NHS: variants seen among roughly 807,000 people sequenced by gnomAD.
The protein encoded by NHS is actin remodeling regulator NHS.
A neutral mutation model predicts 72.5 loss-of-function variants in NHS; 5 were observed. The ratio of observed to expected loss-of-function variants is 0.07; its 90% CI spans 0.04 to 0.14. The LOEUF (loss-of-function observed/expected upper bound fraction) is 0.14, where lower values mean the gene tolerates loss of function less well. Ranked by LOEUF, NHS falls within the 10% of genes least tolerant of loss-of-function variation. NHS has a pLI of 1.00. For missense variants in NHS, 1,072 were observed against 1,355.7 expected (o/e 0.79, Z 3.29); for synonymous variants, 464 against 547.7 (o/e 0.85, Z 2.13).
In NHS at chrX:17,419,913, G is replaced by A. The variant is rs928802739; in HGVS notation, c.565+43591G>A. Among the ~76,000 whole-genome samples, 3 of 111,740 alleles carry A rather than the reference G, an allele frequency of 2.7e-5. No individual in the cohort carries two copies. The South Asian group carries it at 1.1e-3, about 42-fold the overall frequency. On this transcript the variant is annotated intron_variant, in intron 1 of 8. Coordinates refer to ENST00000676302, the MANE Select transcript of NHS (RefSeq NM_001291867.2). Reference sequence around the variant, plus strand: ...TTCCTAATATTTCTAGATATTGGGAGCAAATTCGTGTTTACCTTATGTGTA... The same window carrying A: ...TTCCTAATATTTCTAGATATTGGGAACAAATTCGTGTTTACCTTATGTGTA...
chrX:17,456,647 C>A (rs2064827136), intron 1 of NHS, among the ~76,000 whole-genome samples: 1 of 112,179 alleles, frequency 8.9e-6, no homozygotes, highest in African/African-American at 3.2e-5. Flanking sequence ...AGAGAGAATG[C>A]ACTCCCTTTG....
intron 1 of NHS, among the ~76,000 whole-genome samples, chrX:17,515,322 G>A (rs975571203): frequency 6.3e-5 from 7 of 111,691 alleles, no homozygotes; most frequent in Admixed American, 9.5e-5. Context: ...TCAACATTGG[G>A]AGTATTCCAT....
chrX:17,427,302 A>G (rs1382952897), intron 1 of NHS, among the ~76,000 whole-genome samples: 5 of 111,764 alleles, frequency 4.5e-5, no homozygotes, highest in African/African-American at 6.5e-5. Flanking sequence ...GTTGGGACTG[A>G]CCACAGACTT....
intron 1 of NHS, among the ~76,000 whole-genome samples, chrX:17,599,527 A>G (rs1007753643): frequency 6.3e-5 from 7 of 110,729 alleles, no homozygotes; most frequent in Non-Finnish European, 1.1e-4. Flanking sequence ...GCTCCCATAT[A>G]TCTCCCACCC....
At chrX:17,699,085 T>A (rs1233044098) in intron 3 of NHS, among the ~76,000 whole-genome samples, 1 of 112,001 alleles carries the variant, frequency 8.9e-6, no homozygotes, top group Non-Finnish European at 1.9e-5. Context: ...AACATTAGAC[T>A]TTTTCAAATA....
chrX:17,506,108 A>G (rs758202112), intron 1 of NHS, among the ~76,000 whole-genome samples: 83 of 112,105 alleles, frequency 7.4e-4, no homozygotes, highest in African/African-American at 2.5e-3. Flanking sequence ...ATAAGAGGCC[A>G]TGTGTGAAAT....
At chrX:17,547,966 C>T (rs765726086) in intron 1 of NHS, among the ~76,000 whole-genome samples, 9 of 111,670 alleles carry the variant, frequency 8.1e-5, no homozygotes, top group Non-Finnish European at 1.7e-4. Flanking sequence ...GGTGGAAGGG[C>T]CTGCAGAAGC....
intron 1 of NHS, among the ~76,000 whole-genome samples, chrX:17,628,928 A>G (rs2065811764): frequency 1.8e-5 from 2 of 113,205 alleles, no homozygotes; most frequent in South Asian, 7.2e-4. Flanking sequence ...TTGCTGAATG[A>G]ATAAACCATT....
chrX:17,410,430 A>G (rs1416615323), intron 1 of NHS, among the ~76,000 whole-genome samples: 3 of 109,453 alleles, frequency 2.7e-5, no homozygotes, highest in Non-Finnish European at 5.7e-5. Context: ...TAACTAGTTC[A>G]TTATCTGCCC....
chrX:17,657,727 AG>A (rs1238134011), intron 1 of NHS, among the ~76,000 whole-genome samples: 2 of 112,852 alleles, frequency 1.8e-5, no homozygotes, highest in East Asian at 5.6e-4. Flanking sequence ...TTTTGCCCCC[AG>A]CCATGGATAT....
At position 17,572,491 on chromosome X, in the gene NHS, C is replaced by CTTTTTTTTTTTTTT. The variant is rs760577193; in HGVS notation, c.566-115242_566-115229dup. Among the ~76,000 whole-genome samples, 21 of 46,762 alleles carry CTTTTTTTTTTTTTT rather than the reference C, an allele frequency of 4.5e-4. 2 individuals are homozygous for CTTTTTTTTTTTTTT. The highest frequency in any genetic ancestry group is 2.5e-3 in the African/African-American group (19 of 7,666). 40.6% of individuals were successfully genotyped at this position (46,762 alleles called of 115,157 possible). ...TCAGAGACCAGGACTGCAACCCCTGCTTTTTTTTTTTTTTTTTTTTTTGCT... is the reference window on the plus strand; with the variant it reads ...TCAGAGACCAGGACTGCAACCCCTGCTTTTTTTTTTTTTTTTTTTTTTTTTTTTTTTTTTTTGCT... On this transcript the variant is annotated intron_variant, in intron 1 of 8. Coordinates refer to ENST00000676302, the MANE Select transcript of NHS (RefSeq NM_001291867.2).
At chrX:17,587,568 G>A (rs759885393) in intron 1 of NHS, among the ~76,000 whole-genome samples, 3 of 112,290 alleles carry the variant, frequency 2.7e-5, no homozygotes, top group South Asian at 3.7e-4. Context: ...GCAATTGTGC[G>A]AATAATGTAA....
intron 1 of NHS, 112 bp downstream of exon 1, chrX:17,376,434 C>A: frequency 1.5e-6 from 1 of 669,355 alleles, no homozygotes; most frequent in Non-Finnish European, 2.3e-6. Context: ...TTGCAGCTTG[C>A]ACCTTACTAC....
chrX:17,728,784 A>G lies in NHS; in HGVS notation c.4349+9A>G. The G allele has an allele frequency of 8.3e-7, 1 of 1,211,599 alleles. No individual in the cohort carries two copies. Among genetic ancestry groups the G allele is most frequent in the Non-Finnish European group, 1.1e-6 (1 of 895,271 alleles). On this transcript the variant is annotated intron_variant, in intron 8 of 8. Coordinates refer to ENST00000676302, the MANE Select transcript of NHS (RefSeq NM_001291867.2). Reference sequence around the variant, plus strand: ...TTTGCAGTCATTCACAGGTGAGGCAACATTACCAAGTCCCCCAAAACAAAA... The same window carrying G: ...TTTGCAGTCATTCACAGGTGAGGCAGCATTACCAAGTCCCCCAAAACAAAA...
chrX:17,438,394 G>A (rs1033922731), intron 1 of NHS, among the ~76,000 whole-genome samples: 1 of 112,387 alleles, frequency 8.9e-6, no homozygotes, highest in Non-Finnish European at 1.9e-5. Flanking sequence ...ACTCTGAAGA[G>A]CCAGATCCTA....
chrX:17,656,099 C>T (rs2065953354), intron 1 of NHS, among the ~76,000 whole-genome samples: 1 of 113,602 alleles, frequency 8.8e-6, no homozygotes, highest in African/African-American at 3.2e-5. Context: ...CCGAGCCCAG[C>T]GCCCCAGCCA....
intron 1 of NHS, among the ~76,000 whole-genome samples, chrX:17,411,059 C>T (rs935150664): frequency 2.7e-5 from 3 of 111,649 alleles, no homozygotes; most frequent in Non-Finnish European, 3.8e-5. Flanking sequence ...AATCTTTTCC[C>T]AAGAGGTGGT....
intron 1 of NHS, among the ~76,000 whole-genome samples, chrX:17,553,440 C>T (rs1052178195): frequency 1.8e-5 from 2 of 112,817 alleles, no homozygotes; most frequent in African/African-American, 6.4e-5. Flanking sequence ...AGCAGATTAA[C>T]TCTTTCCTCA....
intron 1 of NHS, among the ~76,000 whole-genome samples, chrX:17,424,502 G>A (rs2064640060): frequency 8.9e-6 from 1 of 111,760 alleles, no homozygotes; most frequent in Admixed American, 9.5e-5. Flanking sequence ...GAGTGGTCTG[G>A]GTGCAGGGCC....
Sources: allele counts gnomAD v4.1 joint callset (sites outside exome capture counted in the v4.1 genomes callset), GRCh38; gene constraint gnomAD v4.1.1; transcripts MANE v1.5; gene names NCBI Gene and HGNC (gene_info 2026-07-23, HGNC 2026-07-21).